MBOAT2: variants seen among roughly 807,000 people sequenced by gnomAD.
MBOAT2 encodes the protein membrane-bound glycerophospholipid O-acyltransferase 2.
MBOAT2 carries 28 observed loss-of-function variants against 63.4 expected under a neutral mutation model. That is an observed-to-expected ratio of 0.44 (90% CI 0.33 to 0.61). The LOEUF (loss-of-function observed/expected upper bound fraction) is 0.61. Ranked by LOEUF, MBOAT2 falls within the 20% of genes least tolerant of loss-of-function variation. The pLI, the probability that MBOAT2 is intolerant of heterozygous loss-of-function variation, is 0.03. For missense variants in MBOAT2, 470 were observed against 605.8 expected, an observed-to-expected ratio of 0.78 and a Z score of 2.35; for synonymous variants, 211 against 215.6, an observed-to-expected ratio of 0.98 and a Z score of 0.19.
At chr2:8,899,775 G>T (rs1664775922) in intron 4 of MBOAT2, among the ~76,000 whole-genome samples, 1 of 152,186 alleles carries the variant, frequency 6.6e-6, no homozygotes, top group Admixed American at 6.5e-5. Flanking sequence ...GAACCACCAA[G>T]GTTTGTTTGT....
chr2:8,877,327 TCATTTGTACC>T, intron 6 of MBOAT2, 114 bp from the exon 7 acceptor site: 1 of 971,786 alleles, frequency 1.0e-6, no homozygotes, highest in Non-Finnish European at 1.5e-6. Context: ...GCTTTCATTT[TCATTTGTACC>T]CATACAATAA....
At chr2:8,864,670 C>T (rs1237866596) in intron 9 of MBOAT2, among the ~76,000 whole-genome samples, 1 of 152,020 alleles carries the variant, frequency 6.6e-6, no homozygotes, top group Admixed American at 6.6e-5. Flanking sequence ...TCTCTCGGTG[C>T]CCTGGCTACT....
Position 8,998,505 on chromosome 2 carries a change from T to C in MBOAT2, c.75+5035A>G, listed in dbSNP as rs370661758. Among the ~76,000 whole-genome samples the C allele has an allele frequency of 5.3e-5, 8 of 152,232 alleles. No homozygotes were observed. The East Asian group carries it at 9.7e-4, about 18-fold the overall frequency. On this transcript the variant is annotated intron_variant, in intron 1 of 12. Coordinates refer to ENST00000305997, the MANE Select transcript of MBOAT2 (RefSeq NM_138799.4). ...TTCATCTATAAAATGGAATTCATCA[T>C]AGTACAGACCTGCAGGAAGATTAAA...
chr2:8,972,501 A>C (rs1670523022), intron 1 of MBOAT2, among the ~76,000 whole-genome samples: 1 of 152,242 alleles, frequency 6.6e-6, no homozygotes, highest in African/African-American at 2.4e-5. Context: ...TGGCAACAAA[A>C]GCCAAAATTG....
chr2:8,993,176 T>C (rs535695075), intron 1 of MBOAT2, among the ~76,000 whole-genome samples: 3 of 152,312 alleles, frequency 2.0e-5, no homozygotes, highest in South Asian at 2.1e-4. Context: ...CAGCTGAAAA[T>C]AGTGGTACCT....
At chr2:8,864,268 C>A in intron 9 of MBOAT2, 34 bp from the exon 10 acceptor site, 2 of 1,335,094 alleles carry the variant, frequency 1.5e-6, no homozygotes, top group African/African-American at 1.5e-5. Flanking sequence ...CTTTGTGTCA[C>A]AAAATAATGA....
rs201283048 is a variant in MBOAT2, at chr2:8,892,826, G to T, written c.396-4753C>A. ...ACAGCCCCAGGAAGAAGTGTGACTGGCATGTTGGAGGATCAGTACGGAGGC... is the reference window on the plus strand; with the variant it reads ...ACAGCCCCAGGAAGAAGTGTGACTGTCATGTTGGAGGATCAGTACGGAGGC... On this transcript the variant is annotated intron_variant, in intron 4 of 12. Coordinates refer to ENST00000305997, the MANE Select transcript of MBOAT2 (RefSeq NM_138799.4). Among the ~76,000 whole-genome samples, 6 of 152,174 alleles carry T rather than the reference G, an allele frequency of 3.9e-5. No homozygotes were observed. The East Asian group carries it at 1.2e-3, about 29-fold the overall frequency.
chr2:8,889,263 T>C (rs886107813), intron 4 of MBOAT2, among the ~76,000 whole-genome samples: 3 of 152,198 alleles, frequency 2.0e-5, no homozygotes, highest in African/African-American at 7.2e-5. Flanking sequence ...AGAGGTGTCT[T>C]TCTCACAAGG....
intron 4 of MBOAT2, among the ~76,000 whole-genome samples, chr2:8,905,833 A>C (rs1019421931): frequency 6.6e-6 from 1 of 152,256 alleles, no homozygotes; most frequent in Non-Finnish European, 1.5e-5. Flanking sequence ...CTAATGGATA[A>C]AAATTATTCT....
chr2:8,997,053 GCCTAC>G (rs529592484), intron 1 of MBOAT2, among the ~76,000 whole-genome samples: 8 of 152,108 alleles, frequency 5.3e-5, no homozygotes, highest in Non-Finnish European at 1.0e-4. Flanking sequence ...TGAATCCTGA[GCCTAC>G]CTTTCCACCC....
rs1162646036 is a variant in MBOAT2, at chr2:8,906,584, A to G, written c.395+2037T>C. ...AAATAAACTCTTATTACGTTGAGCC[A>G]CTGAAATAATGTTACTGTTTTAAAT... On this transcript the variant is annotated intron_variant, in intron 4 of 12. Coordinates refer to ENST00000305997, the MANE Select transcript of MBOAT2 (RefSeq NM_138799.4). 2.0e-5 allele frequency among the ~76,000 whole-genome samples: 3 copies of G among 152,244 alleles called. No homozygotes were observed. In the East Asian group the frequency reaches 5.8e-4, roughly 29 times the overall value.
chr2:8,968,637 A>G (rs933775812), intron 1 of MBOAT2, among the ~76,000 whole-genome samples: 1 of 152,174 alleles, frequency 6.6e-6, no homozygotes, highest in Non-Finnish European at 1.5e-5. Flanking sequence ...TTGAAAAAAG[A>G]TTAGACGAAT....
chr2:8,918,129 A>AG (rs1666319851), intron 3 of MBOAT2, among the ~76,000 whole-genome samples: 1 of 152,272 alleles, frequency 6.6e-6, no homozygotes, highest in African/African-American at 2.4e-5. Flanking sequence ...TGCTATATCT[A>AG]GATTTAGGGT....
chr2:8,989,511 G>A (rs1359424472), intron 1 of MBOAT2, among the ~76,000 whole-genome samples: 4 of 152,098 alleles, frequency 2.6e-5, no homozygotes, highest in Admixed American at 6.5e-5. Context: ...TTCAAGATAC[G>A]GAGCTGTATC....
At chr2:8,901,426 G>T (rs1325729656) in intron 4 of MBOAT2, among the ~76,000 whole-genome samples, 2 of 152,096 alleles carry the variant, frequency 1.3e-5, no homozygotes, top group African/African-American at 4.8e-5. Context: ...TGGATTTAGT[G>T]GCCCTTACCG....
chr2:8,912,030 A>G (rs1045211693), intron 3 of MBOAT2, among the ~76,000 whole-genome samples: 2 of 152,090 alleles, frequency 1.3e-5, no homozygotes, highest in Non-Finnish European at 2.9e-5. Context: ...GATTTGACAA[A>G]TATCCTGCAT....
intron 4 of MBOAT2, among the ~76,000 whole-genome samples, chr2:8,890,500 G>A (rs1663913221): frequency 6.6e-6 from 1 of 152,110 alleles, no homozygotes; most frequent in African/African-American, 2.4e-5. Flanking sequence ...CACAGTGTCT[G>A]GCACAAAATA....
At chr2:8,918,580 T>C (rs1666353166) in intron 3 of MBOAT2, among the ~76,000 whole-genome samples, 1 of 152,198 alleles carries the variant, frequency 6.6e-6, no homozygotes. Context: ...GCAGTATCTA[T>C]GGTGCAATAA....
rs567728233 is a variant in MBOAT2 at position 8,960,574 on chromosome 2, T to C, written c.76-1932A>G. On this transcript the variant is annotated intron_variant, in intron 1 of 12. Coordinates refer to ENST00000305997, the MANE Select transcript of MBOAT2 (RefSeq NM_138799.4). ...CCAATCCCGCTGATCTCCACAACCA[T>C]AGGAGGGGGCAGCTTCCCTTCCCCC... is the stretch of plus-strand genomic sequence containing the variant. Among the ~76,000 whole-genome samples, 7 of 152,268 alleles carry C rather than the reference T, an allele frequency of 4.6e-5. No individual in the cohort carries two copies. In the South Asian group the frequency reaches 6.2e-4, roughly 14 times the overall value.
Sources: allele counts gnomAD v4.1 joint callset (sites outside exome capture counted in the v4.1 genomes callset), GRCh38; gene constraint gnomAD v4.1.1; transcripts MANE v1.5; gene names NCBI Gene and HGNC (gene_info 2026-07-23, HGNC 2026-07-21).